PTPRM: variants seen among roughly 807,000 people sequenced by gnomAD.
PTPRM encodes the protein protein tyrosine phosphatase receptor type M.
In PTPRM, 47 loss-of-function variants were observed where a neutral mutation model predicts 186.7. The ratio of observed to expected loss-of-function variants is 0.25; its 90% CI spans 0.20 to 0.32. PTPRM has a LOEUF of 0.32. Among genes scored for constraint, PTPRM ranks in the 10% least tolerant of loss-of-function variants. The probability of loss-of-function intolerance (pLI) is 1.00; values close to 1 mark genes in which losing one functional copy is unlikely to be tolerated. For missense variants in PTPRM, 1,494 were observed against 1,865.0 expected (o/e 0.80, Z 3.66); for synonymous variants, 668 against 674.9 (o/e 0.99, Z 0.16).
intron 30 of PTPRM, among the ~76,000 whole-genome samples, chr18:8,385,132 C>G (rs957374429): frequency 2.0e-5 from 3 of 152,078 alleles, no homozygotes; most frequent in Non-Finnish European, 2.9e-5. Flanking sequence ...GGCCAGGTGA[C>G]CAGACATCCG....
chr18:8,296,437 T>C lies in PTPRM; in HGVS notation c.2824T>C (p.Tyr942His). ...AGATGAGAACAGAATGAAGAACAGA[T>C]ACGGGAATATCATTGCATGTAAGTG... The part of the protein sequence containing the change: ...KKDENRMKNR[Y>H]GNIIAYDHSR... Residue 942 changes from tyrosine (Y) to histidine (H), a missense_variant, in exon 20 of 33, where the codon TAC becomes CAC. Tyr to His is a moderately conservative substitution (Grantham distance 83). Coordinates refer to ENST00000580170, the MANE Select transcript of PTPRM (RefSeq NM_001105244.2). The C allele has an allele frequency of 6.2e-7, 1 of 1,607,018 alleles. No homozygotes were observed. Among genetic ancestry groups the C allele is most frequent in the Non-Finnish European group, 8.5e-7 (1 of 1,173,602 alleles).
chr18:8,224,819 C>T (rs56358309), intron 14 of PTPRM, among the ~76,000 whole-genome samples: 28,380 of 152,086 alleles, frequency 0.19, 2,658 homozygotes, highest in Non-Finnish European at 0.2. Flanking sequence ...ACGCGTCCCT[C>T]AGTTATCTGG....
chr18:7,806,932 A>G (rs1052632420), intron 2 of PTPRM, among the ~76,000 whole-genome samples: 14 of 152,112 alleles, frequency 9.2e-5, no homozygotes, highest in African/African-American at 3.4e-4. Context: ...ATTTTCCCTG[A>G]CTGCATTGTG....
intron 11 of PTPRM, among the ~76,000 whole-genome samples, chr18:8,112,326 T>C (rs1406380416): frequency 6.6e-6 from 1 of 152,252 alleles, no homozygotes; most frequent in Non-Finnish European, 1.5e-5. Flanking sequence ...GGTGGTTCTA[T>C]GAGTGCAGAT....
chr18:8,295,300 C>T (rs920372818), intron 19 of PTPRM, among the ~76,000 whole-genome samples: 6 of 152,218 alleles, frequency 3.9e-5, no homozygotes, highest in East Asian at 1.9e-4. Context: ...TTCTACCTAG[C>T]GACAGACTAA....
At chr18:7,743,932 C>T (rs2040933684) in intron 1 of PTPRM, among the ~76,000 whole-genome samples, 1 of 151,810 alleles carries the variant, frequency 6.6e-6, no homozygotes. Context: ...GAAATAACTG[C>T]AAAATTCATC....
intron 1 of PTPRM, among the ~76,000 whole-genome samples, chr18:7,672,465 A>G (rs572987781): frequency 6.6e-6 from 1 of 152,328 alleles, no homozygotes; most frequent in East Asian, 1.9e-4. Flanking sequence ...CTCAATTTTT[A>G]TACCTGGAAC....
intron 14 of PTPRM, among the ~76,000 whole-genome samples, chr18:8,178,269 A>G (rs2093516519): frequency 6.6e-6 from 1 of 152,240 alleles, no homozygotes; most frequent in African/African-American, 2.4e-5. Context: ...TAAATTGCAG[A>G]CAAAAACTCA....
intron 1 of PTPRM, among the ~76,000 whole-genome samples, chr18:7,639,783 T>G (rs2038404637): frequency 6.6e-6 from 1 of 152,248 alleles, no homozygotes; most frequent in Admixed American, 6.5e-5. Context: ...GCACATGATT[T>G]CTTGCTGTAT....
At chr18:7,747,030 C>T (rs761191114) in intron 1 of PTPRM, among the ~76,000 whole-genome samples, 1 of 152,176 alleles carries the variant, frequency 6.6e-6, no homozygotes, top group African/African-American at 2.4e-5. Context: ...TCCTCCTTTT[C>T]CCAGGGTGTT....
chr18:8,032,945 A>G (rs1283845058), intron 7 of PTPRM, among the ~76,000 whole-genome samples: 1 of 152,182 alleles, frequency 6.6e-6, no homozygotes, highest in Non-Finnish European at 1.5e-5. Context: ...ACTAAAAAAA[A>G]GGACAGGCAA....
At chr18:7,652,527 G>C (rs2038737810) in intron 1 of PTPRM, among the ~76,000 whole-genome samples, 4 of 151,904 alleles carry the variant, frequency 2.6e-5, no homozygotes. Context: ...TGATAGACTG[G>C]ATTAAGAAAA....
chr18:7,896,818 T>G (rs1043349008), intron 3 of PTPRM, among the ~76,000 whole-genome samples: 2 of 152,172 alleles, frequency 1.3e-5, no homozygotes, highest in Admixed American at 1.3e-4. Flanking sequence ...CAGTCTGACA[T>G]CTTTCCTGGT....
chr18:8,234,393 G>A (rs2094320349), intron 14 of PTPRM, among the ~76,000 whole-genome samples: 1 of 152,042 alleles, frequency 6.6e-6, no homozygotes, highest in Non-Finnish European at 1.5e-5. Context: ...GCTCATTGCT[G>A]GTATATAGGA....
At chr18:7,585,407 A>G (rs957515388) in intron 1 of PTPRM, among the ~76,000 whole-genome samples, 1 of 152,160 alleles carries the variant, frequency 6.6e-6, no homozygotes, top group Non-Finnish European at 1.5e-5. Flanking sequence ...AAGTTTGAAT[A>G]GTTTTTGTTT....
At chr18:8,369,995 G>A (rs193163700) in intron 23 of PTPRM, among the ~76,000 whole-genome samples, 12 of 152,144 alleles carry the variant, frequency 7.9e-5, no homozygotes, top group East Asian at 3.9e-4. Context: ...ATTAAATTCA[G>A]CACATGGAGA....
chr18:8,048,336 C>G (rs1600248722), intron 7 of PTPRM, among the ~76,000 whole-genome samples: 2 of 151,658 alleles, frequency 1.3e-5, no homozygotes, highest in Admixed American at 1.3e-4. Flanking sequence ...AAGTTAGAAC[C>G]TGTATTTTCC....
chr18:8,270,455 T>C (rs1176218866), intron 19 of PTPRM: 3 of 152,060 alleles, frequency 2.0e-5, no homozygotes, highest in African/African-American at 7.2e-5. Context: ...TCTTCTGCAT[T>C]GTTGGTGAGA....
chr18:8,301,580 A>G (rs935394250), intron 20 of PTPRM, among the ~76,000 whole-genome samples: 2 of 152,220 alleles, frequency 1.3e-5, no homozygotes, highest in Non-Finnish European at 2.9e-5. Context: ...GTATATATTG[A>G]TCTGCCATGT....
Sources: allele counts gnomAD v4.1 joint callset (sites outside exome capture counted in the v4.1 genomes callset), GRCh38; gene constraint gnomAD v4.1.1; transcripts MANE v1.5; gene names NCBI Gene and HGNC (gene_info 2026-07-23, HGNC 2026-07-21).